The following CDK6 variants were observed in gnomAD, a reference collection of about 807,000 sequenced individuals.
CDK6 encodes the protein cyclin-dependent kinase 6.
Under a neutral mutation model 37.1 loss-of-function variants are expected in CDK6, and 6 were observed. That is an observed-to-expected ratio of 0.16 (90% confidence interval 0.09 to 0.32). The LOEUF (loss-of-function observed/expected upper bound fraction) is 0.32. CDK6 is among the 10% of genes least tolerant of loss of function. The pLI is 1.00. For missense variants in CDK6, 224 were observed against 418.9 expected, an observed-to-expected ratio of 0.53 and a Z score of 4.06; for synonymous variants, 160 against 161.3, an observed-to-expected ratio of 0.99 and a Z score of 0.06.
At chr7:92,787,027 C>T (rs1483915642) in intron 2 of CDK6, among the ~76,000 whole-genome samples, 7 of 151,560 alleles carry the variant, frequency 4.6e-5, no homozygotes, top group Non-Finnish European at 1.0e-4. Flanking sequence ...ACAAAAAATA[C>T]AAAAATTAGC....
At chr7:92,767,526 T>C (rs1799612552) in intron 3 of CDK6, among the ~76,000 whole-genome samples, 1 of 152,150 alleles carries the variant, frequency 6.6e-6, no homozygotes, top group South Asian at 2.1e-4. Flanking sequence ...ACTCCCACAG[T>C]TGTTAGAGCT....
chr7:92,772,709 G>T (rs1172203519), intron 3 of CDK6, among the ~76,000 whole-genome samples: 1 of 151,228 alleles, frequency 6.6e-6, no homozygotes. Flanking sequence ...TATCCTGCTT[G>T]CCCCTCCACC....
At chr7:92,731,437 A>C (rs949761046) in intron 3 of CDK6, among the ~76,000 whole-genome samples, 31 of 152,352 alleles carry the variant, frequency 2.0e-4, no homozygotes, top group African/African-American at 6.3e-4. Context: ...GTCACACATG[A>C]GCTTTGTTCC....
At chr7:92,780,873 C>G (rs901883693) in intron 2 of CDK6, among the ~76,000 whole-genome samples, 9 of 151,692 alleles carry the variant, frequency 5.9e-5, no homozygotes, top group African/African-American at 2.2e-4. Flanking sequence ...CTTATATTGA[C>G]CAATATTTTA....
chr7:92,696,874 A>G (rs1797733214), intron 4 of CDK6, among the ~76,000 whole-genome samples: 1 of 152,234 alleles, frequency 6.6e-6, no homozygotes, highest in African/African-American at 2.4e-5. Context: ...ATGAAAAGCA[A>G]CATACACCAG....
At chr7:92,803,451 C>T (rs1166282454) in intron 2 of CDK6, among the ~76,000 whole-genome samples, 1 of 152,132 alleles carries the variant, frequency 6.6e-6, no homozygotes, top group Non-Finnish European at 1.5e-5. Flanking sequence ...GTGAATATCA[C>T]ATAGGTAACA....
rs1249375616 is a variant in CDK6 at position 92,605,001 on chromosome 7, C to T, written c.*10139G>A. The T allele has an allele frequency of 4.5e-6, 1 of 223,492 alleles. No homozygotes were observed. The highest frequency in any genetic ancestry group is 8.9e-6 in the Non-Finnish European group (1 of 112,746). The allele number at this position is 223,492 out of a possible 1,614,324, so 13.8% of individuals were successfully genotyped here. On this transcript the variant is annotated 3_prime_UTR_variant, in exon 8 of 8. Coordinates refer to ENST00000424848, the MANE Select transcript of CDK6 (RefSeq NM_001145306.2). ...ACATTAAAGTAAAAAAGAAAATAGCCAGGAGAGTAATTCATCTCCAGAAAG... is the reference window on the plus strand; with the variant it reads ...ACATTAAAGTAAAAAAGAAAATAGCTAGGAGAGTAATTCATCTCCAGAAAG...
rs1001877748 is a variant in CDK6 at position 92,834,587 on chromosome 7, T to A, written c.-367-897A>T. 1.3e-5 allele frequency among the ~76,000 whole-genome samples: 2 copies of A among 150,022 alleles called. No individual in the cohort carries two copies. Among genetic ancestry groups the A allele is most frequent in the Non-Finnish European group, 1.5e-5 (1 of 67,810 alleles). On this transcript the variant is annotated intron_variant, in intron 1 of 7. Transcript: ENST00000424848. The surrounding 1 kb of genome is among the most constrained non-coding windows in gnomAD (Gnocchi z 4.6). The stretch of plus-strand genomic sequence containing the variant: ...TTTCGCTTGTCGTCTCCTTAAAGAA[T>A]AACTTCAGGAAGGGGATAGCATAAT...
chr7:92,769,737 A>G (rs910070968), intron 3 of CDK6, among the ~76,000 whole-genome samples: 4 of 152,222 alleles, frequency 2.6e-5, no homozygotes, highest in African/African-American at 7.2e-5. Context: ...TGCAGTGTAC[A>G]GTTCTTATTC....
At chr7:92,663,191 T>C (rs1796876260) in intron 5 of CDK6, among the ~76,000 whole-genome samples, 1 of 151,832 alleles carries the variant, frequency 6.6e-6, no homozygotes, top group South Asian at 2.1e-4. Flanking sequence ...TGATATGTGA[T>C]AGAATGGTTA....
chr7:92,797,280 C>T (rs1381175124), intron 2 of CDK6, among the ~76,000 whole-genome samples: 1 of 152,112 alleles, frequency 6.6e-6, no homozygotes, highest in Non-Finnish European at 1.5e-5. Flanking sequence ...TGCAAGTATC[C>T]TACTATAACC....
At chr7:92,728,778 A>G (rs1468431936) in intron 3 of CDK6, among the ~76,000 whole-genome samples, 3 of 151,644 alleles carry the variant, frequency 2.0e-5, no homozygotes, top group Non-Finnish European at 4.4e-5. Context: ...TTTTTTGTTT[A>G]GCAAATGGCT....
At chr7:92,732,211 A>T (rs58374470) in intron 3 of CDK6, among the ~76,000 whole-genome samples, 183 of 152,302 alleles carry the variant, frequency 1.2e-3, no homozygotes, top group African/African-American at 4.2e-3. Context: ...TGAGACCAGG[A>T]GTTTGAGACC....
chr7:92,805,984 A>T (rs1054713876), intron 2 of CDK6, among the ~76,000 whole-genome samples: 2 of 152,310 alleles, frequency 1.3e-5, no homozygotes, highest in East Asian at 3.9e-4. Context: ...ATGATGAAAA[A>T]GTTCTGGAGA....
At chr7:92,792,002 T>C (rs1231812726) in intron 2 of CDK6, among the ~76,000 whole-genome samples, 1 of 152,266 alleles carries the variant, frequency 6.6e-6, no homozygotes. Flanking sequence ...ACTTTTACAA[T>C]GAACAATGCT....
At chr7:92,676,229 T>C (rs1797200188) in intron 4 of CDK6, among the ~76,000 whole-genome samples, 1 of 152,088 alleles carries the variant, frequency 6.6e-6, no homozygotes, top group Admixed American at 6.5e-5. Context: ...TTTGCTCATC[T>C]TTAAATACTA....
At chr7:92,735,592 C>T (rs1006309534) in intron 3 of CDK6, among the ~76,000 whole-genome samples, 2 of 152,162 alleles carry the variant, frequency 1.3e-5, no homozygotes, top group Non-Finnish European at 2.9e-5. Context: ...AACTGCCAAG[C>T]GCTATCCAGC....
At position 92,612,892 on chromosome 7, in the gene CDK6, G is replaced by A. The variant is rs948585909; in HGVS notation, c.*2248C>T. 1 of 232,936 alleles carries A rather than the reference G, an allele frequency of 4.3e-6. No individual in the cohort carries two copies. The allele number at this position is 232,936 out of a possible 1,614,324, so 14.4% of individuals were successfully genotyped here. Reference sequence around the variant, plus strand: ...TGCAGTGAGTTTTTAAATTCAATTTGTAGGCCCTAGCAAAAATGTCTTTGT... The same window carrying A: ...TGCAGTGAGTTTTTAAATTCAATTTATAGGCCCTAGCAAAAATGTCTTTGT... On this transcript the variant is annotated 3_prime_UTR_variant, in exon 8 of 8. Transcript: ENST00000424848.
At chr7:92,670,956 G>A (rs1797059218) in intron 5 of CDK6, among the ~76,000 whole-genome samples, 1 of 152,158 alleles carries the variant, frequency 6.6e-6, no homozygotes, top group South Asian at 2.1e-4. Flanking sequence ...AAAGTGCTCT[G>A]AAGTAGCACT....
Sources: gnomAD v4.1 joint callset for allele counts (sites outside exome capture counted in the v4.1 genomes callset) on GRCh38, gnomAD v4.1.1 for gene constraint, Gnocchi (gnomAD v3.1) non-coding constraint, MANE v1.5 for transcripts, NCBI Gene and HGNC (gene_info 2026-07-23, HGNC 2026-07-21) for gene names.